Variants in MACO1 observed in about 807,000 individuals in gnomAD.
MACO1 encodes macoilin.
MACO1 carries 14 observed loss-of-function variants against 78.7 expected under a neutral mutation model. That is an observed-to-expected ratio of 0.18 (90% confidence interval 0.12 to 0.28). The LOEUF is 0.28. MACO1 is among the 10% of genes least tolerant of loss of function. MACO1 has a pLI of 1.00. For synonymous variants in MACO1, 288 were observed against 291.6 expected, an observed-to-expected ratio of 0.99 and a Z score of 0.12; for missense variants, 501 against 799.0, an observed-to-expected ratio of 0.63 and a Z score of 4.50.
At chr1:25,466,300 T>C (rs971281339) in intron 6 of MACO1, among the ~76,000 whole-genome samples, 3 of 152,150 alleles carry the variant, frequency 2.0e-5, no homozygotes, top group Non-Finnish European at 4.4e-5. Flanking sequence ...TTGATATTAG[T>C]TCTGCCCATT....
At chr1:25,433,131 A>G (rs1353835374) in intron 1 of MACO1, among the ~76,000 whole-genome samples, 2 of 152,188 alleles carry the variant, frequency 1.3e-5, no homozygotes, top group Non-Finnish European at 2.9e-5. Context: ...GCATTCTTTA[A>G]GTTAAATGTT....
chr1:25,454,480 ATATATATAT>A (rs2043100555), intron 4 of MACO1, 98 bp downstream of exon 4: 1 of 162,602 alleles, frequency 6.1e-6, no homozygotes, highest in East Asian at 1.8e-4. Context: ...GTATATATAT[ATATATATAT>A]TTTTTTTTTT....
intron 6 of MACO1, among the ~76,000 whole-genome samples, chr1:25,476,995 C>A (rs1018066639): frequency 1.3e-5 from 2 of 152,196 alleles, no homozygotes; most frequent in Non-Finnish European, 2.9e-5. Flanking sequence ...TTTAGAAATA[C>A]AGTCCCAGCT....
intron 1 of MACO1, among the ~76,000 whole-genome samples, chr1:25,441,392 C>T (rs2042971261): frequency 6.6e-6 from 1 of 152,166 alleles, no homozygotes; most frequent in Non-Finnish European, 1.5e-5. Flanking sequence ...ACCATGTTGG[C>T]CAGGCTGGTC....
chr1:25,452,742 G>A (rs2124581139), intron 3 of MACO1, among the ~76,000 whole-genome samples: 1 of 150,804 alleles, frequency 6.6e-6, no homozygotes, highest in Non-Finnish European at 1.5e-5. Flanking sequence ...TGTTGCCCAG[G>A]CTTGAGTGCA....
intron 8 of MACO1, among the ~76,000 whole-genome samples, chr1:25,487,418 GC>G (rs2043443545): frequency 6.6e-6 from 1 of 152,182 alleles, no homozygotes; most frequent in Admixed American, 6.5e-5. Flanking sequence ...CTCCCAAAGT[GC>G]TGGGATTACA....
At chr1:25,453,714 A>G (rs911650008) in intron 3 of MACO1, among the ~76,000 whole-genome samples, 7 of 152,074 alleles carry the variant, frequency 4.6e-5, no homozygotes, top group Admixed American at 4.6e-4. Flanking sequence ...GAAAGGTACA[A>G]GTATTTAAAT....
intron 6 of MACO1, among the ~76,000 whole-genome samples, chr1:25,483,380 A>G (rs947099704): frequency 1.4e-4 from 22 of 152,238 alleles, no homozygotes; most frequent in Non-Finnish European, 5.9e-5. Context: ...TTTCAGCACT[A>G]CATATGCATA....
chr1:25,435,750 T>C lies in MACO1; in HGVS notation c.80+4572T>C, dbSNP rs2042914225. Among the ~76,000 whole-genome samples the C allele has an allele frequency of 2.0e-5, 3 of 152,366 alleles. No individual in the cohort carries two copies. In the South Asian group the frequency reaches 6.2e-4, roughly 32 times the overall value. ...GACCTGGCACGAAAGTGATAGATTC[T>C]GTATTGTTTTAGAGGAGTGTTGGGG... is the stretch of plus-strand genomic sequence containing the variant. On this transcript the variant is annotated intron_variant, in intron 1 of 10. Transcript: ENST00000374343.
intron 6 of MACO1, among the ~76,000 whole-genome samples, chr1:25,467,664 G>A (rs2043231361): frequency 1.3e-5 from 2 of 151,692 alleles, no homozygotes; most frequent in African/African-American, 2.4e-5. Flanking sequence ...GAGTCATAAA[G>A]GAAATGTATC....
intron 1 of MACO1, among the ~76,000 whole-genome samples, chr1:25,439,752 C>T (rs1162366619): frequency 1.3e-5 from 2 of 151,402 alleles, no homozygotes; most frequent in African/African-American, 2.4e-5. Flanking sequence ...GACACTGTGG[C>T]TCACACCTGT....
At chr1:25,482,217 A>G (rs2043385281) in intron 6 of MACO1, among the ~76,000 whole-genome samples, 1 of 152,238 alleles carries the variant, frequency 6.6e-6, no homozygotes, top group Admixed American at 6.5e-5. Context: ...TTGTATCCTG[A>G]TGGAAAAAGC....
chr1:25,466,739 C>G (rs1193414588), intron 6 of MACO1, among the ~76,000 whole-genome samples: 1 of 152,160 alleles, frequency 6.6e-6, no homozygotes, highest in East Asian at 1.9e-4. Flanking sequence ...CAGTCTGAGG[C>G]TTTTTACTCT....
chr1:25,441,055 T>C (rs2042967613), intron 1 of MACO1, among the ~76,000 whole-genome samples: 1 of 152,222 alleles, frequency 6.6e-6, no homozygotes, highest in South Asian at 2.1e-4. Context: ...ATCTTGGTTG[T>C]TGTTGCTTTG....
intron 6 of MACO1, among the ~76,000 whole-genome samples, chr1:25,475,119 C>T (rs966143116): frequency 1.1e-4 from 16 of 151,396 alleles, no homozygotes; most frequent in Non-Finnish European, 1.8e-4. Context: ...CCGAGGCGGG[C>T]GGATCACGAG....
chr1:25,498,238 C>T, intron 10 of MACO1, 26 bp from the exon 11 acceptor site: 1 of 1,613,262 alleles, frequency 6.2e-7, no homozygotes, highest in Non-Finnish European at 8.5e-7. Context: ...TCCCTTTTCA[C>T]TAATGGTGGG....
At chr1:25,475,561 A>G (rs2043314804) in intron 6 of MACO1, among the ~76,000 whole-genome samples, 1 of 151,344 alleles carries the variant, frequency 6.6e-6, no homozygotes, top group Admixed American at 6.6e-5. Context: ...AAAAAAAAAA[A>G]AAAAAAAAGG....
chr1:25,459,521 A>G lies in MACO1; in HGVS notation c.1154+629A>G, dbSNP rs574681090. On this transcript the variant is annotated intron_variant, in intron 6 of 10. Coordinates refer to ENST00000374343, the MANE Select transcript of MACO1 (RefSeq NM_018202.6). ...TTTTTTTGAGACGGAGTCTTGCTCT[A>G]TTGCCCAGGCTGGCACGATCTCGGC... is the stretch of plus-strand genomic sequence containing the variant. 7.6e-5 allele frequency among the ~76,000 whole-genome samples: 11 copies of G among 144,642 alleles called. No homozygotes were observed. The South Asian group carries it at 8.6e-4, about 11-fold the overall frequency. 94.9% of individuals were successfully genotyped at this position (144,642 alleles called of 152,430 possible).
intron 1 of MACO1, among the ~76,000 whole-genome samples, chr1:25,437,136 CTTTT>C (rs35287453): frequency 4.4e-5 from 6 of 136,588 alleles, no homozygotes; most frequent in Admixed American, 7.3e-5. Flanking sequence ...CTTCAAAACA[CTTTT>C]TTTTTTTTTT....
Sources: gnomAD v4.1 joint callset for allele counts (sites outside exome capture counted in the v4.1 genomes callset) on GRCh38, gnomAD v4.1.1 for gene constraint, MANE v1.5 for transcripts, NCBI Gene and HGNC (gene_info 2026-07-23, HGNC 2026-07-21) for gene names.